Variants in TCAP observed in about 807,000 individuals in gnomAD.
TCAP encodes the protein titin-cap.
A neutral mutation model predicts 16.6 loss-of-function variants in TCAP; 14 were observed. That is an observed-to-expected ratio of 0.84 (90% CI 0.56 to 1.32). The LOEUF is 1.32. TCAP is among the 40% of genes most tolerant of loss of function. TCAP has a pLI of 0.00. For missense variants in TCAP, 212 were observed against 223.5 expected, an observed-to-expected ratio of 0.95 and a Z score of 0.33; for synonymous variants, 97 against 93.2, an observed-to-expected ratio of 1.04 and a Z score of -0.23.
chr17:39,666,146 G>A lies in TCAP; in HGVS notation c.*37G>A, dbSNP rs2145075395. 7 of 1,598,322 alleles carry A rather than the reference G, an allele frequency of 4.4e-6. No individual in the cohort carries two copies. The highest frequency in any genetic ancestry group is 5.9e-6 in the Non-Finnish European group (7 of 1,179,580). On this transcript the variant is annotated 3_prime_UTR_variant, in exon 2 of 2. Coordinates refer to ENST00000309889, the MANE Select transcript of TCAP (RefSeq NM_003673.4). ...ACTTGGGCTCCGCTGTGCCCGCCCTGGGCTGGGCCCTTCCTGGCTAGGACT... is the reference window on the plus strand; with the variant it reads ...ACTTGGGCTCCGCTGTGCCCGCCCTAGGCTGGGCCCTTCCTGGCTAGGACT...
Position 39,666,287 on chromosome 17 carries a change from G to A in TCAP, c.*178G>A. ...CCCCCTGAGTTCCCAAAGGGAGGGT[G>A]GCAGAGACAGTGGGCACTAAGGGTG... On this transcript the variant is annotated 3_prime_UTR_variant, in exon 2 of 2. Transcript: ENST00000309889. 2.4e-6 allele frequency: 2 copies of A among 819,040 alleles called. No homozygotes were observed. The highest frequency in any genetic ancestry group is 1.6e-5 in the South Asian group (1 of 62,478). The allele number at this position is 819,040 out of a possible 1,614,324, so 50.7% of individuals were successfully genotyped here.
rs762976588 is a variant in TCAP, at chr17:39,666,160, C to G, written c.*51C>G. 2 of 1,596,594 alleles carry G rather than the reference C, an allele frequency of 1.3e-6. No individual in the cohort carries two copies. The highest frequency in any genetic ancestry group is 4.5e-5 in the East Asian group (2 of 44,842). On this transcript the variant is annotated 3_prime_UTR_variant, in exon 2 of 2. Coordinates refer to ENST00000309889, the MANE Select transcript of TCAP (RefSeq NM_003673.4). ...GTGCCCGCCCTGGGCTGGGCCCTTCCTGGCTAGGACTGTGGAGGGGAGCTG... is the reference window on the plus strand; with the variant it reads ...GTGCCCGCCCTGGGCTGGGCCCTTCGTGGCTAGGACTGTGGAGGGGAGCTG...
In TCAP at chr17:39,666,034, G is replaced by A. The variant is rs1404164472; in HGVS notation, c.429G>A (p.Val143=). 3 of 1,610,236 alleles carry A rather than the reference G, an allele frequency of 1.9e-6. No individual in the cohort carries two copies. The highest frequency in any genetic ancestry group is 1.7e-4 in the Middle Eastern group (1 of 6,060). The change falls in exon 2 of 2, where the codon GTG becomes GTA. Residue 143 remains valine (V), a synonymous_variant. Coordinates refer to ENST00000309889, the MANE Select transcript of TCAP (RefSeq NM_003673.4). The stretch of plus-strand genomic sequence containing the variant: ...AGATCACAAAGCAGCTGCCCCCTGT[G>A]GTGCCTGTCAGCAAGCCCGGTGCAC... ...VAEITKQLPP[V]VPVSKPGALR...
Position 39,665,353 on chromosome 17 carries a change from A to C in TCAP, c.-7A>C. The C allele has an allele frequency of 6.2e-7, 1 of 1,612,966 alleles. No individual in the cohort carries two copies. The highest frequency in any genetic ancestry group is 8.5e-7 in the Non-Finnish European group (1 of 1,179,320). ...GCCTGGGAGGGGAGAGAGAATGAGG[A>C]GTGATCATGGCTACCTCAGAGCTGA... On this transcript the variant is annotated 5_prime_UTR_variant, in exon 1 of 2. Transcript: ENST00000309889.
intron 1 of TCAP, 59 bp downstream of exon 1, chr17:39,665,528 A>G (rs1232337114): frequency 5.2e-6 from 8 of 1,539,144 alleles, no homozygotes; most frequent in Admixed American, 1.7e-5. Context: ...TCACTGAGCC[A>G]TGAGGCCAGA....
chr17:39,665,453 A>T lies in TCAP; in HGVS notation c.94A>T (p.Thr32Ser), dbSNP rs2057247543. 6.2e-7 allele frequency: 1 copy of T among 1,613,288 alleles called. No homozygotes were observed. Among genetic ancestry groups the T allele is most frequent in the African/African-American group, 1.3e-5 (1 of 74,892 alleles). ...AGAATGGAAGGATCTGACACTGTCC[A>T]CACGGCCCGAGGAGGGGTGAGTGTG... is the stretch of plus-strand genomic sequence containing the variant. ...WAEWKDLTLS[T>S]RPEEGCSLHE... The change falls in exon 1 of 2, where the codon ACA becomes TCA. Residue 32 changes from threonine to serine, a missense_variant. Coordinates refer to ENST00000309889, the MANE Select transcript of TCAP (RefSeq NM_003673.4).
At chr17:39,665,623 C>T (rs2057248858) in intron 1 of TCAP, 93 bp from the exon 2 acceptor site, 4 of 1,462,344 alleles carry the variant, frequency 2.7e-6, no homozygotes, top group East Asian at 2.4e-5. Context: ...CCTTCCTGCC[C>T]CCAGGTCCCA....
chr17:39,665,780 G>T lies in TCAP; in HGVS notation c.175G>T (p.Val59Leu). The change falls in exon 2 of 2, where the codon GTG (valine) becomes TTG (leucine). Residue 59 changes from valine (V) to leucine (L), a missense_variant. Val to Leu is a conservative substitution (Grantham distance 32). Coordinates refer to ENST00000309889, the MANE Select transcript of TCAP (RefSeq NM_003673.4). ...CTACCACCAGCAGGGGCAGTGCCAGGTGCTGGTGCAGCGCTCGCCCTGGCT... is the reference window on the plus strand; with the variant it reads ...CTACCACCAGCAGGGGCAGTGCCAGTTGCTGGTGCAGCGCTCGCCCTGGCT... ...ETYHQQGQCQ[V>L]LVQRSPWLMM... 6.2e-7 allele frequency: 1 copy of T among 1,609,604 alleles called. No homozygotes were observed. Among genetic ancestry groups the T allele is most frequent in the Non-Finnish European group, 8.5e-7 (1 of 1,178,420 alleles).
chr17:39,666,113 G>A lies in TCAP; in HGVS notation c.*4G>A, dbSNP rs1597805857. 6.3e-7 allele frequency: 1 copy of A among 1,599,388 alleles called. No homozygotes were observed. ...CCAGGAAGCACAGAGAGGCTGAGAG[G>A]GACTGTGACTTGGGCTCCGCTGTGC... On this transcript the variant is annotated 3_prime_UTR_variant, in exon 2 of 2. Transcript: ENST00000309889.
chr17:39,666,094 A>G lies in TCAP; in HGVS notation c.489A>G (p.Glu163=). The G allele has an allele frequency of 1.2e-6, 2 of 1,600,674 alleles. No homozygotes were observed. The highest frequency in any genetic ancestry group is 1.1e-5 in the South Asian group (1 of 91,082). The change falls in exon 2 of 2, where the codon GAA becomes GAG. Residue 163 remains glutamate (E), a synonymous_variant. Coordinates refer to ENST00000309889, the MANE Select transcript of TCAP (RefSeq NM_003673.4). ...RRSLSRSMSQ[E]AQRG is the part of the protein sequence containing the mutation. ...CCCTGTCCCGCTCCATGTCCCAGGAAGCACAGAGAGGCTGAGAGGGACTGT... is the reference window on the plus strand; with the variant it reads ...CCCTGTCCCGCTCCATGTCCCAGGAGGCACAGAGAGGCTGAGAGGGACTGT...
Position 39,665,937 on chromosome 17 carries a change from T to C in TCAP, c.332T>C (p.Ile111Thr). ...ATKEEREDTP[I>T]QLQELLALET... Reference sequence around the variant, plus strand: ...AAGGAGGAGCGTGAGGACACCCCCATCCAGCTTCAGGAGCTGCTGGCGCTG... The same window carrying C: ...AAGGAGGAGCGTGAGGACACCCCCACCCAGCTTCAGGAGCTGCTGGCGCTG... Residue 111 changes from isoleucine to threonine, a missense_variant, in exon 2 of 2, where the codon ATC becomes ACC. By Grantham distance (89) the Ile-to-Thr change is moderately conservative. Transcript: ENST00000309889. The C allele has an allele frequency of 6.2e-7, 1 of 1,612,982 alleles. No homozygotes were observed. Among genetic ancestry groups the C allele is most frequent in the South Asian group, 1.1e-5 (1 of 91,080 alleles).
At position 39,665,756 on chromosome 17, in the gene TCAP, T is replaced by TAA; in HGVS notation, c.152_153insAA (p.Tyr51Ter). Residue 51 changes from tyrosine (Y) to a stop codon, truncating the protein, a stop_gained and frameshift_variant, in exon 2 of 2, where the codon TAC becomes TAAAC. Transcript: ENST00000309889. LOFTEE classifies it high-confidence loss of function. Reference protein sequence around the residue: ...HEEDTQRHETYHQQGQCQVLV... With the variant: ...HEEDTQRHET ...GGAGGACACCCAGAGACATGAGACC[T>TAA]ACCACCAGCAGGGGCAGTGCCAGGT... 3 of 1,610,754 alleles carry TAA rather than the reference T, an allele frequency of 1.9e-6. No homozygotes were observed. In the South Asian group the frequency reaches 3.3e-5, roughly 18 times the overall value.
Position 39,666,019 on chromosome 17 carries a change from G to T in TCAP, c.414G>T (p.Lys138Asn). The change falls in exon 2 of 2, where the codon AAG (lysine) becomes AAT (asparagine). Residue 138 changes from lysine to asparagine, a missense_variant. Physicochemically the swap from Lys to Asn is moderately conservative, Grantham distance 94 (BLOSUM62 0). Coordinates refer to ENST00000309889, the MANE Select transcript of TCAP (RefSeq NM_003673.4). Reference protein sequence around the residue: ...VDRQEVAEITKQLPPVVPVSK... With the variant: ...VDRQEVAEITNQLPPVVPVSK... ...GCCAGGAGGTGGCTGAGATCACAAA[G>T]CAGCTGCCCCCTGTGGTGCCTGTCA... 1 of 1,611,382 alleles carries T rather than the reference G, an allele frequency of 6.2e-7. No homozygotes were observed. Among genetic ancestry groups the T allele is most frequent in the Non-Finnish European group, 8.5e-7 (1 of 1,179,948 alleles).
chr17:39,665,882 A>T lies in TCAP; in HGVS notation c.277A>T (p.Ile93Phe), dbSNP rs76130885. 4 of 1,612,060 alleles carry T rather than the reference A, an allele frequency of 2.5e-6. No homozygotes were observed. In the South Asian group the frequency reaches 4.4e-5, roughly 18 times the overall value. The part of the protein sequence containing the change: ...LPYQRVLPLP[I>F]FTPAKMGATK... ...CTACCAGCGGGTACTGCCGCTGCCC[A>T]TCTTCACCCCTGCCAAGATGGGCGC... The change falls in exon 2 of 2, where the codon ATC becomes TTC. Residue 93 changes from isoleucine to phenylalanine, a missense_variant. By Grantham distance (21) the Ile-to-Phe change is conservative. Transcript: ENST00000309889.
At position 39,666,471 on chromosome 17, in the gene TCAP, G is replaced by T. The variant is rs985153297; in HGVS notation, c.*362G>T. On this transcript the variant is annotated 3_prime_UTR_variant, in exon 2 of 2. Coordinates refer to ENST00000309889, the MANE Select transcript of TCAP (RefSeq NM_003673.4). ...GGCAGAAGAAGCTGGGAGGGAGGGG[G>T]AGGTGAAAAGGGCAGAGGCAAGGAT... 1 of 355,052 alleles carries T rather than the reference G, an allele frequency of 2.8e-6. No individual in the cohort carries two copies. The highest frequency in any genetic ancestry group is 2.0e-5 in the African/African-American group (1 of 49,036). The allele number at this position is 355,052 out of a possible 1,614,324, so 22.0% of individuals were successfully genotyped here.
chr17:39,665,953 G>T lies in TCAP; in HGVS notation c.348G>T (p.Leu116=), dbSNP rs2145074010. The T allele has an allele frequency of 1.9e-6, 3 of 1,612,998 alleles. No individual in the cohort carries two copies. Among genetic ancestry groups the T allele is most frequent in the South Asian group, 2.2e-5 (2 of 91,088 alleles). The change falls in exon 2 of 2, where the codon CTG becomes CTT. Residue 116 remains leucine, a synonymous_variant. Coordinates refer to ENST00000309889, the MANE Select transcript of TCAP (RefSeq NM_003673.4). The part of the protein sequence containing the change: ...REDTPIQLQE[L]LALETALGGQ... ...ACACCCCCATCCAGCTTCAGGAGCT[G>T]CTGGCGCTGGAGACAGCCCTGGGTG...
rs899342367 is a variant in TCAP at position 39,665,382 on chromosome 17, G to T, written c.23G>T (p.Cys8Phe). MATSELS[C>F]EVSEENCERR... ...ATCATGGCTACCTCAGAGCTGAGCT[G>T]CGAGGTGTCGGAGGAGAACTGTGAG... Residue 8 changes from cysteine (C) to phenylalanine (F), a missense_variant, in exon 1 of 2, where the codon TGC (cysteine) becomes TTC (phenylalanine). Transcript: ENST00000309889. 6.2e-7 allele frequency: 1 copy of T among 1,613,744 alleles called. No individual in the cohort carries two copies.
In TCAP at chr17:39,665,706, C is replaced by T; in HGVS notation, c.111-10C>T. On this transcript the variant is annotated splice_polypyrimidine_tract_variant and intron_variant, in intron 1 of 1. Transcript: ENST00000309889. The stretch of plus-strand genomic sequence containing the variant: ...CTCCCAGGAGCTCACTGCCCCTCCC[C>T]TCTCCCCAGCTGCTCCCTGCATGAG... 1 of 1,606,858 alleles carries T rather than the reference C, an allele frequency of 6.2e-7. No individual in the cohort carries two copies. The highest frequency in any genetic ancestry group is 1.1e-5 in the South Asian group (1 of 89,852).
intron 1 of TCAP, 97 bp downstream of exon 1, chr17:39,665,566 G>A (rs541368606): frequency 6.3e-6 from 9 of 1,436,502 alleles, no homozygotes; most frequent in East Asian, 4.7e-5. Flanking sequence ...AATTTCTGGG[G>A]GTGGGGGCAG....
Sources: gnomAD v4.1 joint callset for allele counts on GRCh38, gnomAD v4.1.1 for gene constraint, MANE v1.5 for transcripts, NCBI Gene and HGNC (gene_info 2026-07-23, HGNC 2026-07-21) for gene names.